MAD1L1: variants seen among roughly 807,000 people sequenced by gnomAD.
The protein encoded by MAD1L1 is mitotic arrest deficient 1 like 1.
A neutral mutation model predicts 96.9 loss-of-function variants in MAD1L1; 95 were observed. The ratio of observed to expected loss-of-function variants is 0.98; its 90% CI spans 0.83 to 1.16. The LOEUF (loss-of-function observed/expected upper bound fraction) is 1.16, where lower values mean the gene tolerates loss of function less well. MAD1L1 is among the 50% of genes most tolerant of loss of function. The pLI, the probability that MAD1L1 is intolerant of heterozygous loss-of-function variation, is 0.00. For missense variants in MAD1L1, 1,007 were observed against 954.4 expected (o/e 1.06, Z -0.73); for synonymous variants, 473 against 396.6 (o/e 1.19, Z -2.29).
intron 11 of MAD1L1, among the ~76,000 whole-genome samples, chr7:2,147,240 A>G (rs981293254): frequency 1.3e-5 from 2 of 152,100 alleles, no homozygotes; most frequent in African/African-American, 4.8e-5. Context: ...CAAGGAGCAG[A>G]CCAGCCGCCC....
chr7:1,831,998 G>C (rs1479722321), intron 18 of MAD1L1, among the ~76,000 whole-genome samples: 1 of 152,204 alleles, frequency 6.6e-6, no homozygotes, highest in African/African-American at 2.4e-5. Flanking sequence ...CCTAGATCAA[G>C]GGACAATTGA....
intron 10 of MAD1L1, among the ~76,000 whole-genome samples, chr7:2,162,724 A>AAC (rs1790223027): frequency 6.6e-6 from 1 of 151,872 alleles, no homozygotes; most frequent in Non-Finnish European, 1.5e-5. Flanking sequence ...AAAAAAAAAA[A>AAC]AACGTAATGG....
chr7:1,929,810 ACTGCCACGTCCCCTG>A, intron 17 of MAD1L1, among the ~76,000 whole-genome samples: 1 of 23,758 alleles, frequency 4.2e-5, no homozygotes, highest in African/African-American at 2.5e-4. Flanking sequence ...CCCCGTCCCC[ACTGCCACGTCCCCTG>A]CCCCGTCCCC....
chr7:1,851,714 G>A (rs913969183), intron 18 of MAD1L1, among the ~76,000 whole-genome samples: 10 of 152,096 alleles, frequency 6.6e-5, no homozygotes, highest in African/African-American at 1.9e-4. Context: ...CTTCAGTGCC[G>A]GCGACCTCTG....
At chr7:2,107,915 C>T (rs766495996) in intron 11 of MAD1L1, among the ~76,000 whole-genome samples, 4 of 152,026 alleles carry the variant, frequency 2.6e-5, no homozygotes, top group African/African-American at 9.7e-5. Flanking sequence ...GGACTGTGTC[C>T]CGGGCTGTGA....
intron 10 of MAD1L1, among the ~76,000 whole-genome samples, chr7:2,179,252 G>C (rs181095809): frequency 6.6e-6 from 1 of 152,144 alleles, no homozygotes; most frequent in Non-Finnish European, 1.5e-5. Flanking sequence ...AGTCTAGACC[G>C]GGCACGGTGG....
intron 5 of MAD1L1, among the ~76,000 whole-genome samples, chr7:2,221,768 T>TA (rs1304554479): frequency 6.6e-6 from 1 of 152,180 alleles, no homozygotes. Flanking sequence ...CGTGCCTCCT[T>TA]AAGCCTCCTG....
chr7:2,025,977 TG>T (rs1782979619), intron 12 of MAD1L1, among the ~76,000 whole-genome samples: 1 of 152,190 alleles, frequency 6.6e-6, no homozygotes, highest in African/African-American at 2.4e-5. Flanking sequence ...TTAATTTCAA[TG>T]CAAATGTATC....
At chr7:2,044,130 G>A (rs545549756) in intron 12 of MAD1L1, among the ~76,000 whole-genome samples, 5 of 152,326 alleles carry the variant, frequency 3.3e-5, no homozygotes, top group Non-Finnish European at 7.4e-5. Context: ...AGCAGCCAAC[G>A]GTCTGGAATA....
chr7:1,953,547 C>T (rs1237785525), intron 16 of MAD1L1, among the ~76,000 whole-genome samples: 2 of 152,244 alleles, frequency 1.3e-5, no homozygotes, highest in Non-Finnish European at 2.9e-5. Flanking sequence ...ATGAATTCTA[C>T]TTAATTACAC....
chr7:2,202,400 G>A (rs890633432), intron 10 of MAD1L1, among the ~76,000 whole-genome samples: 6 of 152,210 alleles, frequency 3.9e-5, no homozygotes, highest in South Asian at 2.1e-4. Context: ...CAGCACACTC[G>A]CCACTCTCCA....
intron 14 of MAD1L1, among the ~76,000 whole-genome samples, chr7:1,989,902 G>A (rs1781330003): frequency 6.6e-6 from 1 of 152,216 alleles, no homozygotes; most frequent in African/African-American, 2.4e-5. Flanking sequence ...CATGCTAATG[G>A]TCCTTGTGGC....
At chr7:2,052,548 A>G (rs1784230100) in intron 12 of MAD1L1, among the ~76,000 whole-genome samples, 1 of 152,100 alleles carries the variant, frequency 6.6e-6, no homozygotes, top group South Asian at 2.1e-4. Flanking sequence ...GGCACCTGAC[A>G]GCTCCCTGGG....
intron 15 of MAD1L1, among the ~76,000 whole-genome samples, chr7:1,973,766 G>A (rs756017797): frequency 6.6e-6 from 1 of 152,130 alleles, no homozygotes; most frequent in Non-Finnish European, 1.5e-5. Flanking sequence ...ATCCTGCTCT[G>A]CCTCGGTGCT....
At chr7:2,079,275 G>C (rs989532402) in intron 11 of MAD1L1, among the ~76,000 whole-genome samples, 1 of 152,214 alleles carries the variant, frequency 6.6e-6, no homozygotes, top group Non-Finnish European at 1.5e-5. Context: ...CAGGACATCA[G>C]GCTCAGCGTG....
At chr7:2,031,784 C>A (rs142483146) in intron 12 of MAD1L1, among the ~76,000 whole-genome samples, 32 of 152,388 alleles carry the variant, frequency 2.1e-4, no homozygotes, top group Middle Eastern at 3.4e-3. Context: ...CTGAGACAGG[C>A]CCTGTGCCGC....
intron 17 of MAD1L1, among the ~76,000 whole-genome samples, chr7:1,925,245 G>T (rs531128980): frequency 5.3e-5 from 8 of 152,270 alleles, no homozygotes; most frequent in African/African-American, 1.9e-4. Context: ...AAAGTGAATC[G>T]TAGAAAGTGC....
At chr7:2,179,415 C>A (rs1399791927) in intron 10 of MAD1L1, among the ~76,000 whole-genome samples, 1 of 151,878 alleles carries the variant, frequency 6.6e-6, no homozygotes, top group Non-Finnish European at 1.5e-5. Context: ...GTAATCCCAG[C>A]CACTCAGGAG....
intron 11 of MAD1L1, among the ~76,000 whole-genome samples, chr7:2,140,146 G>A (rs73039221): frequency 0.091 from 13,898 of 152,172 alleles, 1,382 homozygotes; most frequent in African/African-American, 0.25. Flanking sequence ...CCAAGCCCAG[G>A]TGGCCCCTGC....
Sources: gnomAD v4.1 joint callset for allele counts (sites outside exome capture counted in the v4.1 genomes callset) on GRCh38, gnomAD v4.1.1 for gene constraint, MANE v1.5 for transcripts, NCBI Gene and HGNC (gene_info 2026-07-23, HGNC 2026-07-21) for gene names.